NR3C1: variants seen among roughly 807,000 people sequenced by gnomAD.
The protein encoded by NR3C1 is glucocorticoid receptor.
A neutral mutation model predicts 74.0 loss-of-function variants in NR3C1; 14 were observed. The ratio of observed to expected loss-of-function variants is 0.19; its 90% CI spans 0.12 to 0.30. The LOEUF is 0.30. Ranked by LOEUF, NR3C1 falls within the 10% of genes least tolerant of loss-of-function variation. NR3C1 has a pLI of 1.00. For missense variants in NR3C1, 695 were observed against 909.8 expected (o/e 0.76, Z 3.04); for synonymous variants, 308 against 332.5 (o/e 0.93, Z 0.80).
At chr5:143,345,575 C>G (rs1829130793) in intron 2 of NR3C1, among the ~76,000 whole-genome samples, 1 of 152,164 alleles carries the variant, frequency 6.6e-6, no homozygotes, top group South Asian at 2.1e-4. Flanking sequence ...TGACAATAAA[C>G]AGTGCAGTTT....
chr5:143,282,690 C>T lies in NR3C1; in HGVS notation c.2059G>A (p.Asp687Asn). 3.7e-6 allele frequency: 6 copies of T among 1,613,616 alleles called. No individual in the cohort carries two copies. The highest frequency in any genetic ancestry group is 5.1e-6 in the Non-Finnish European group (6 of 1,179,812). Reference sequence around the variant, plus strand: ...TTGATGTAGGTCATTCTAATTTCATCAAATAGCTCTTGGCTCTTCAGACCG... The same window carrying T: ...TTGATGTAGGTCATTCTAATTTCATTAAATAGCTCTTGGCTCTTCAGACCG... ...KDGLKSQELF[D>N]EIRMTYIKEL... Residue 687 changes from aspartate (D) to asparagine (N), a missense_variant, in exon 8 of 9, where the codon GAT becomes AAT. Around this residue, in one of 4 missense-constraint regions of NR3C1, gnomAD observed 133 missense variants for 287.9 expected, o/e 0.46. Coordinates refer to ENST00000394464, the MANE Select transcript of NR3C1 (RefSeq NM_000176.3).
intron 2 of NR3C1, chr5:143,375,573 G>A (rs1835044770): frequency 6.6e-6 from 1 of 152,184 alleles, no homozygotes; most frequent in Admixed American, 6.5e-5. Flanking sequence ...CATTCATGCT[G>A]CTCACATCTA....
chr5:143,405,473 G>A, upstream of NR3C1: 1 of 576,216 alleles, frequency 1.7e-6, no homozygotes, highest in African/African-American at 2.0e-5. Context: ...CCACCATCTT[G>A]GCAAAGGTTC....
At chr5:143,404,770 C>G (rs533753291), upstream of NR3C1, 1 of 157,884 alleles carries the variant, frequency 6.3e-6, no homozygotes, top group South Asian at 2.0e-4. Context: ...AAATATAGCC[C>G]CCCTTCCGAA....
At chr5:143,283,384 C>CT (rs1213653560) in intron 7 of NR3C1, among the ~76,000 whole-genome samples, 1 of 152,104 alleles carries the variant, frequency 6.6e-6, no homozygotes, top group East Asian at 1.9e-4. Context: ...GATGATACAC[C>CT]TTCTCCTCCT....
At chr5:143,354,726 C>A (rs1830812047) in intron 2 of NR3C1, among the ~76,000 whole-genome samples, 1 of 151,984 alleles carries the variant, frequency 6.6e-6, no homozygotes, top group South Asian at 2.1e-4. Context: ...AGTTCGAGAC[C>A]AGCCTGGCCA....
At chr5:143,387,448 G>C (rs1472112422) in intron 2 of NR3C1, among the ~76,000 whole-genome samples, 1 of 152,090 alleles carries the variant, frequency 6.6e-6, no homozygotes, top group East Asian at 1.9e-4. Flanking sequence ...TCTCTTCTAT[G>C]CTAGTTAATG....
intron 1 of NR3C1, among the ~76,000 whole-genome samples, chr5:143,427,882 T>C (rs577936082): frequency 1.2e-4 from 18 of 152,216 alleles, no homozygotes; most frequent in Non-Finnish European, 2.2e-4. Flanking sequence ...TTCCTACCGA[T>C]AGACTTGTGA....
intron 2 of NR3C1, among the ~76,000 whole-genome samples, chr5:143,381,906 C>T (rs1836317622): frequency 1.3e-5 from 2 of 152,038 alleles, no homozygotes; most frequent in Admixed American, 1.3e-4. Context: ...CACAGGCAAC[C>T]AATGCAAAAA....
chr5:143,315,770 G>A (rs531960545), intron 2 of NR3C1, among the ~76,000 whole-genome samples: 33 of 152,248 alleles, frequency 2.2e-4, no homozygotes, highest in African/African-American at 6.7e-4. Flanking sequence ...AGGAATAAAA[G>A]TTAAAAGGTA....
intron 1 of NR3C1, among the ~76,000 whole-genome samples, chr5:143,431,159 G>A (rs936554059): frequency 6.3e-4 from 96 of 152,266 alleles, no homozygotes; most frequent in African/African-American, 2.2e-3. Context: ...AGGGTTCCGG[G>A]ACTGGGTAAG....
chr5:143,285,209 A>C (rs1342101967), intron 7 of NR3C1, among the ~76,000 whole-genome samples: 1 of 152,166 alleles, frequency 6.6e-6, no homozygotes. Flanking sequence ...CCATAGAGGA[A>C]AGAAAGATCT....
chr5:143,315,986 G>A (rs1442660686), intron 2 of NR3C1, among the ~76,000 whole-genome samples: 1 of 152,132 alleles, frequency 6.6e-6, no homozygotes, highest in African/African-American at 2.4e-5. Context: ...ATTGTTCTCT[G>A]AACACTGTTA....
chr5:143,418,399 C>T (rs992220928), intron 1 of NR3C1, among the ~76,000 whole-genome samples: 28 of 152,150 alleles, frequency 1.8e-4, no homozygotes, highest in Admixed American at 1.4e-3. Flanking sequence ...TTACTTTTCC[C>T]CTTTTGGACT....
At chr5:143,378,398 AC>A (rs771413351) in intron 2 of NR3C1, among the ~76,000 whole-genome samples, 2 of 152,140 alleles carry the variant, frequency 1.3e-5, no homozygotes, top group Non-Finnish European at 2.9e-5. Context: ...ACTAAATTTC[AC>A]CCTTAATAAA....
chr5:143,425,394 C>T (rs539957677), intron 1 of NR3C1, among the ~76,000 whole-genome samples: 16 of 152,096 alleles, frequency 1.1e-4, no homozygotes, highest in African/African-American at 3.9e-4. Context: ...CTTCAAAAGA[C>T]GTTGTGAAGA....
At chr5:143,354,084 C>A (rs147774882) in intron 2 of NR3C1, among the ~76,000 whole-genome samples, 18 of 152,350 alleles carry the variant, frequency 1.2e-4, no homozygotes, top group African/African-American at 4.3e-4. Flanking sequence ...CCTCATCAAC[C>A]GACCTCTGCT....
intron 7 of NR3C1, among the ~76,000 whole-genome samples, chr5:143,286,923 C>T (rs1468404219): frequency 1.3e-5 from 2 of 151,170 alleles, no homozygotes; most frequent in Non-Finnish European, 2.9e-5. Context: ...TACCTCCTAC[C>T]TCAGTGGAAT....
At chr5:143,342,373 T>C (rs1487062294) in intron 2 of NR3C1, among the ~76,000 whole-genome samples, 1 of 152,190 alleles carries the variant, frequency 6.6e-6, no homozygotes, top group Non-Finnish European at 1.5e-5. Context: ...AACTGAGGCT[T>C]AGAAGGTCTA....
Sources: allele counts gnomAD v4.1 joint callset (sites outside exome capture counted in the v4.1 genomes callset), GRCh38; gene constraint gnomAD v4.1.1; regional missense constraint gnomAD v4.1.1; transcripts MANE v1.5; gene names NCBI Gene and HGNC (gene_info 2026-07-23, HGNC 2026-07-21).